VAT1L: variants seen among roughly 807,000 people sequenced by gnomAD.
VAT1L encodes vesicle amine transport 1 like, also known as putative NADPH-dependent quinone oxidoreductase VAT1L.
In VAT1L, 34 loss-of-function variants were observed where a neutral mutation model predicts 44.1. The ratio of observed to expected loss-of-function variants is 0.77; its 90% CI spans 0.59 to 1.03. VAT1L has a LOEUF of 1.03. Among genes scored for constraint, VAT1L ranks in the 50% least tolerant of loss-of-function variants. The pLI is 0.00. For missense variants in VAT1L, 615 were observed against 538.8 expected, an observed-to-expected ratio of 1.14 and a Z score of -1.40; for synonymous variants, 253 against 202.2, an observed-to-expected ratio of 1.25 and a Z score of -2.13.
At chr16:77,790,591 C>T (rs1364643338) in intron 1 of VAT1L, among the ~76,000 whole-genome samples, 1 of 152,010 alleles carries the variant, frequency 6.6e-6, no homozygotes, top group African/African-American at 2.4e-5. Context: ...TTAACCACTT[C>T]ATCAAAAAAA....
At chr16:77,975,404 G>A (rs1043354388) in intron 8 of VAT1L, among the ~76,000 whole-genome samples, 1 of 151,860 alleles carries the variant, frequency 6.6e-6, no homozygotes, top group African/African-American at 2.4e-5. Context: ...TAGAGATGGG[G>A]TTTCACCATG....
intron 7 of VAT1L, among the ~76,000 whole-genome samples, chr16:77,909,920 G>T (rs1049694994): frequency 6.6e-6 from 1 of 152,132 alleles, no homozygotes; most frequent in Admixed American, 6.5e-5. Context: ...TCGTAAGAAC[G>T]GCTCCTGCGA....
chr16:77,909,741 G>T (rs1411559966), intron 7 of VAT1L, among the ~76,000 whole-genome samples: 2 of 151,916 alleles, frequency 1.3e-5, no homozygotes, highest in Non-Finnish European at 2.9e-5. Flanking sequence ...ACTTTGGTAG[G>T]TAAGGGGGCA....
chr16:77,949,300 C>T (rs149564221), intron 7 of VAT1L, among the ~76,000 whole-genome samples: 147 of 152,164 alleles, frequency 9.7e-4, no homozygotes, highest in African/African-American at 3.3e-3. Flanking sequence ...TGGCCTGGAG[C>T]GAGTAAGTCA....
At chr16:77,890,250 G>A (rs1023346651) in intron 7 of VAT1L, among the ~76,000 whole-genome samples, 2 of 151,990 alleles carry the variant, frequency 1.3e-5, no homozygotes, top group Non-Finnish European at 2.9e-5. Context: ...ACAGAAGTGG[G>A]AGTGAGTATG....
chr16:77,921,221 G>A (rs2017608258), intron 7 of VAT1L, among the ~76,000 whole-genome samples: 2 of 152,128 alleles, frequency 1.3e-5, no homozygotes, highest in Admixed American at 1.3e-4. Context: ...CTTTCCAGCT[G>A]GAATAAGCCA....
At chr16:77,954,103 A>G (rs1440557728) in intron 7 of VAT1L, among the ~76,000 whole-genome samples, 1 of 152,218 alleles carries the variant, frequency 6.6e-6, no homozygotes, top group Non-Finnish European at 1.5e-5. Context: ...GAGCGGCCAC[A>G]TGGAGACAAT....
At chr16:77,888,856 C>T (rs897285339) in intron 7 of VAT1L, among the ~76,000 whole-genome samples, 5 of 152,202 alleles carry the variant, frequency 3.3e-5, no homozygotes, top group African/African-American at 1.2e-4. Context: ...TTCTACGTTC[C>T]TGTAGCAAGA....
At chr16:77,799,493 C>T in intron 1 of VAT1L, among the ~76,000 whole-genome samples, 1 of 149,720 alleles carries the variant, frequency 6.7e-6, no homozygotes, top group East Asian at 2.0e-4. Context: ...GACAGCCCCA[C>T]TGGAATACAT....
chr16:77,972,795 A>G (rs1249125853), intron 8 of VAT1L, among the ~76,000 whole-genome samples: 3 of 150,058 alleles, frequency 2.0e-5, no homozygotes, highest in Non-Finnish European at 4.4e-5. Flanking sequence ...TGATAATAAT[A>G]ATAATATAAA....
chr16:77,950,638 G>A (rs902191629), intron 7 of VAT1L, among the ~76,000 whole-genome samples: 4 of 152,156 alleles, frequency 2.6e-5, no homozygotes, highest in Non-Finnish European at 4.4e-5. Flanking sequence ...GTGATCTTCA[G>A]GGATGTTCTG....
intron 4 of VAT1L, among the ~76,000 whole-genome samples, chr16:77,870,700 G>A (rs1409673119): frequency 6.6e-6 from 1 of 152,206 alleles, no homozygotes; most frequent in African/African-American, 2.4e-5. Flanking sequence ...TATGGCAGCA[G>A]GAAAAAGCAC....
intron 4 of VAT1L, among the ~76,000 whole-genome samples, chr16:77,863,798 C>G (rs1037380710): frequency 6.6e-6 from 1 of 152,050 alleles, no homozygotes; most frequent in African/African-American, 2.4e-5. Context: ...TGAGGTGAGG[C>G]TGAGCAAGGA....
At chr16:77,792,723 T>C (rs1362285828) in intron 1 of VAT1L, among the ~76,000 whole-genome samples, 1 of 152,146 alleles carries the variant, frequency 6.6e-6, no homozygotes, top group Non-Finnish European at 1.5e-5. Context: ...ATAGACAGGA[T>C]CTGGGTGAGG....
At chr16:77,825,526 CCT>C in intron 3 of VAT1L, 65 bp downstream of exon 3, 1 of 1,519,020 alleles carries the variant, frequency 6.6e-7, no homozygotes, top group East Asian at 2.5e-5. Flanking sequence ...GTGACACCCC[CCT>C]GAGGTCTTAT....
chr16:77,887,203 C>T (rs995105211), intron 7 of VAT1L, among the ~76,000 whole-genome samples: 1 of 152,090 alleles, frequency 6.6e-6, no homozygotes, highest in Non-Finnish European at 1.5e-5. Context: ...CCCAAAGGGG[C>T]ATTATTGTGA....
intron 7 of VAT1L, among the ~76,000 whole-genome samples, chr16:77,945,998 C>T (rs989641341): frequency 1.1e-4 from 16 of 152,116 alleles, no homozygotes; most frequent in Admixed American, 5.2e-4. Flanking sequence ...GACAGGGTTT[C>T]ACCATGTTGG....
At chr16:77,915,514 C>A (rs762740843) in intron 7 of VAT1L, among the ~76,000 whole-genome samples, 2 of 151,818 alleles carry the variant, frequency 1.3e-5, no homozygotes, top group African/African-American at 4.8e-5. Context: ...AGGGAAATGT[C>A]ACAGAAGGCC....
intron 8 of VAT1L, among the ~76,000 whole-genome samples, chr16:77,972,211 T>C (rs892005024): frequency 6.6e-6 from 1 of 152,204 alleles, no homozygotes; most frequent in Admixed American, 6.5e-5. Context: ...TTACAGCTGC[T>C]AGCTCTTGGG....
Sources: gnomAD v4.1 joint callset for allele counts (sites outside exome capture counted in the v4.1 genomes callset) on GRCh38, gnomAD v4.1.1 for gene constraint, MANE v1.5 for transcripts, NCBI Gene and HGNC (gene_info 2026-07-23, HGNC 2026-07-21) for gene names.